The following TTC21B variants were observed in gnomAD, a reference collection of about 807,000 sequenced individuals.
TTC21B encodes tetratricopeptide repeat protein 21B.
In TTC21B, 127 loss-of-function variants were observed where a neutral mutation model predicts 175.1. That is an observed-to-expected ratio of 0.73 (90% CI 0.63 to 0.84). The LOEUF (loss-of-function observed/expected upper bound fraction) is 0.84, where lower values mean the gene tolerates loss of function less well. Ranked by LOEUF, TTC21B falls within the 40% of genes least tolerant of loss-of-function variation. The pLI is 0.00. For missense variants in TTC21B, 1,561 were observed against 1,558.3 expected (o/e 1.00, Z -0.03); for synonymous variants, 524 against 524.5 (o/e 1.00, Z 0.01).
At chr2:165,926,667 T>C (rs949644729) in intron 11 of TTC21B, among the ~76,000 whole-genome samples, 11 of 152,042 alleles carry the variant, frequency 7.2e-5, no homozygotes, top group African/African-American at 2.4e-4. Context: ...GAGATTAACG[T>C]TTGAGTCAAG....
At chr2:165,916,185 C>T (rs1373950122) in intron 14 of TTC21B, among the ~76,000 whole-genome samples, 1 of 152,138 alleles carries the variant, frequency 6.6e-6, no homozygotes, top group Non-Finnish European at 1.5e-5. Context: ...ATCTCTTGGA[C>T]CCAGGAGTTT....
At chr2:165,880,148 A>C (rs1432363374) in intron 27 of TTC21B, among the ~76,000 whole-genome samples, 1 of 152,130 alleles carries the variant, frequency 6.6e-6, no homozygotes, top group Non-Finnish European at 1.5e-5. Flanking sequence ...GACACTGTAG[A>C]CTAGCATTAC....
At chr2:165,949,303 T>C in intron 3 of TTC21B, 91 bp downstream of exon 3, 1 of 920,676 alleles carries the variant, frequency 1.1e-6, no homozygotes. Flanking sequence ...CATAATATAG[T>C]GTGATCAGAC....
At chr2:165,878,678 C>T (rs1049482853) in intron 27 of TTC21B, among the ~76,000 whole-genome samples, 15 of 145,526 alleles carry the variant, frequency 1.0e-4, no homozygotes, top group South Asian at 2.2e-4. Context: ...AGCATGAGCA[C>T]GATTTTTTTT....
At chr2:165,912,468 G>T in intron 17 of TTC21B, 46 bp downstream of exon 17, 1 of 1,447,110 alleles carries the variant, frequency 6.9e-7, no homozygotes, top group Non-Finnish European at 9.7e-7. Context: ...GACAGGGTAT[G>T]ATAAATTTGA....
chr2:165,930,732 G>GGGGTGTGTGT (rs376602791), intron 8 of TTC21B, among the ~76,000 whole-genome samples: 8 of 110,902 alleles, frequency 7.2e-5, no homozygotes, highest in Non-Finnish European at 1.2e-4. Context: ...TGGGTATGGG[G>GGGGTGTGTGT]GTGTGTGTGT....
In TTC21B at chr2:165,899,321, G is replaced by A. The variant is rs183095833; in HGVS notation, c.2868+449C>T. 9.2e-5 allele frequency among the ~76,000 whole-genome samples: 14 copies of A among 152,066 alleles called. No individual in the cohort carries two copies. The South Asian group carries it at 2.5e-3, about 27-fold the overall frequency. ...AAAGCTAACAAATATTTTAGCCCACGTAAAAATAAGAAAAAATAAAAAACT... is the reference window on the plus strand; with the variant it reads ...AAAGCTAACAAATATTTTAGCCCACATAAAAATAAGAAAAAATAAAAAACT... On this transcript the variant is annotated intron_variant, in intron 21 of 28. Coordinates refer to ENST00000243344, the MANE Select transcript of TTC21B (RefSeq NM_024753.5).
At chr2:165,918,600 C>A (rs1686273199) in intron 13 of TTC21B, among the ~76,000 whole-genome samples, 1 of 152,036 alleles carries the variant, frequency 6.6e-6, no homozygotes, top group South Asian at 2.1e-4. Context: ...CGGCCTTCTG[C>A]AAATCTTAAT....
Position 165,953,714 on chromosome 2 carries a change from C to A in TTC21B, c.-9G>T. The stretch of plus-strand genomic sequence containing the variant: ...AATTCCTGCGAGTCCATGGCTGCCC[C>A]GAGGCCGGGCCGCGGGGCTCTGGGG... On this transcript the variant is annotated 5_prime_UTR_variant, in exon 1 of 29. Transcript: ENST00000243344. 9.1e-6 allele frequency: 14 copies of A among 1,531,280 alleles called. No individual in the cohort carries two copies. Among genetic ancestry groups the A allele is most frequent in the Middle Eastern group, 1.7e-4 (1 of 5,810 alleles). 94.9% of individuals were successfully genotyped at this position (1,531,280 alleles called of 1,614,324 possible).
rs1687529291 is a variant in TTC21B, at chr2:165,945,627, T to C, written c.326A>G (p.Lys109Arg). The change falls in exon 4 of 29, where the codon AAA becomes AGA. Residue 109 changes from lysine (K) to arginine (R), a missense_variant. Transcript: ENST00000243344. The part of the protein sequence containing the change: ...VKEQRKGAGE[K>R]ALYHAGLFLW... Reference sequence around the variant, plus strand: ...AAATAAGCCTGCATGGTATAAGGCTTTCTCTCCAGCTCCTTTACGTTGTTC... The same window carrying C: ...AAATAAGCCTGCATGGTATAAGGCTCTCTCTCCAGCTCCTTTACGTTGTTC... 1.2e-6 allele frequency: 2 copies of C among 1,613,730 alleles called. No individual in the cohort carries two copies. Among genetic ancestry groups the C allele is most frequent in the African/African-American group, 1.3e-5 (1 of 74,918 alleles).
chr2:165,899,684 C>G (rs1231665458), intron 21 of TTC21B, 86 bp downstream of exon 21: 5 of 843,890 alleles, frequency 5.9e-6, no homozygotes. Context: ...AGCCATGCCT[C>G]ATCATCTAGT....
At chr2:165,878,584 A>G (rs1684744022) in intron 27 of TTC21B, among the ~76,000 whole-genome samples, 1 of 152,032 alleles carries the variant, frequency 6.6e-6, no homozygotes. Context: ...ATAAATGATT[A>G]CTGCAGTCAA....
rs776301212 is a variant in TTC21B, at chr2:165,930,171, C to A, written c.1087+1G>T. ...AATATTTATGAAAACAGTTGTCATACCAACTAGGGCAGACACACTAGTCTC... is the reference window on the plus strand; with the variant it reads ...AATATTTATGAAAACAGTTGTCATAACAACTAGGGCAGACACACTAGTCTC... On this transcript the variant is annotated splice_donor_variant, in intron 9 of 28. Coordinates refer to ENST00000243344, the MANE Select transcript of TTC21B (RefSeq NM_024753.5). LOFTEE classifies it high-confidence loss of function. 1 of 1,611,468 alleles carries A rather than the reference C, an allele frequency of 6.2e-7. No homozygotes were observed.
Position 165,943,352 on chromosome 2 carries a change from A to G in TTC21B, c.430-11T>C. The G allele has an allele frequency of 1.3e-6, 2 of 1,591,484 alleles. No individual in the cohort carries two copies. The highest frequency in any genetic ancestry group is 1.7e-6 in the Non-Finnish European group (2 of 1,161,596). ...TTTCAAAACGTGTCCCTGTAAAATG[A>G]ATAATTCTATTTTTACTTTTTTAGA... is the stretch of plus-strand genomic sequence containing the variant. On this transcript the variant is annotated splice_polypyrimidine_tract_variant and intron_variant, in intron 4 of 28. Coordinates refer to ENST00000243344, the MANE Select transcript of TTC21B (RefSeq NM_024753.5).
At chr2:165,883,031 A>G (rs904648183) in intron 26 of TTC21B, among the ~76,000 whole-genome samples, 2 of 152,152 alleles carry the variant, frequency 1.3e-5, no homozygotes, top group African/African-American at 4.8e-5. Context: ...GTACTAGATA[A>G]TCACAATTCC....
Position 165,873,963 on chromosome 2 carries a change from T to C in TTC21B, c.*792A>G, listed in dbSNP as rs1343092573. On this transcript the variant is annotated 3_prime_UTR_variant, in exon 29 of 29. Transcript: ENST00000243344. ...ATAAATCATCTATTTATAAAACCTT[T>C]ATTAAAATATATATTTAAAATATAT... The C allele has an allele frequency of 6.6e-6, 1 of 151,942 alleles. No individual in the cohort carries two copies. Among genetic ancestry groups the C allele is most frequent in the African/African-American group, 2.4e-5 (1 of 41,430 alleles). 9.4% of individuals were successfully genotyped at this position (151,942 alleles called of 1,614,324 possible).
At chr2:165,900,008 CAA>C (rs200057550) in intron 20 of TTC21B, 128 bp from the exon 21 acceptor site, 1,727 of 138,710 alleles carry the variant, frequency 0.012, no homozygotes, top group South Asian at 0.016. Context: ...GTATAATAGA[CAA>C]AAAAAAAAAA....
intron 25 of TTC21B, among the ~76,000 whole-genome samples, chr2:165,888,072 G>C (rs1685067724): frequency 6.6e-6 from 1 of 152,184 alleles, no homozygotes; most frequent in Non-Finnish European, 1.5e-5. Flanking sequence ...TTCCAGTAGA[G>C]AGAAATATAT....
intron 12 of TTC21B, among the ~76,000 whole-genome samples, chr2:165,921,849 T>A (rs1686419128): frequency 6.6e-6 from 1 of 151,830 alleles, no homozygotes; most frequent in South Asian, 2.1e-4. Context: ...TTCAATAGGT[T>A]TTTGGGGAAC....
Sources: gnomAD v4.1 joint callset for allele counts (sites outside exome capture counted in the v4.1 genomes callset) on GRCh38, gnomAD v4.1.1 for gene constraint, MANE v1.5 for transcripts, NCBI Gene and HGNC (gene_info 2026-07-23, HGNC 2026-07-21) for gene names.